The following ESR1 variants were observed in gnomAD, a reference collection of about 807,000 sequenced individuals.
ESR1 encodes estrogen receptor.
ESR1 carries 12 observed loss-of-function variants against 52.7 expected under a neutral mutation model. That is an observed-to-expected ratio of 0.23 (90% confidence interval 0.15 to 0.37). ESR1 has a LOEUF of 0.37. ESR1 is among the 10% of genes least tolerant of loss of function. The pLI is 1.00. For missense variants in ESR1, 584 were observed against 779.7 expected (o/e 0.75, Z 2.99); for synonymous variants, 305 against 316.8 (o/e 0.96, Z 0.39).
chr6:152,085,913 A>G (rs913824926), intron 6 of ESR1, among the ~76,000 whole-genome samples: 4 of 152,154 alleles, frequency 2.6e-5, no homozygotes, highest in African/African-American at 9.7e-5. Flanking sequence ...ATCCTTGGAA[A>G]ACACAATCTT....
intron 2 of ESR1, among the ~76,000 whole-genome samples, chr6:151,761,853 C>T (rs921355952): frequency 2.0e-5 from 3 of 152,262 alleles, no homozygotes; most frequent in South Asian, 2.1e-4. Flanking sequence ...CACTGAAGGC[C>T]GGGCCCCACC....
chr6:152,008,094 T>C (rs1178738630), intron 4 of ESR1, among the ~76,000 whole-genome samples: 1 of 152,116 alleles, frequency 6.6e-6, no homozygotes, highest in Non-Finnish European at 1.5e-5. Flanking sequence ...TCATGGATAT[T>C]TATTCCACGC....
At chr6:151,904,702 G>A (rs1339319044) in intron 3 of ESR1, among the ~76,000 whole-genome samples, 1 of 151,926 alleles carries the variant, frequency 6.6e-6, no homozygotes, top group Non-Finnish European at 1.5e-5. Flanking sequence ...AATAATAATC[G>A]ATTTTGGATT....
chr6:151,737,315 T>A (rs969186186), intron 2 of ESR1, among the ~76,000 whole-genome samples: 1 of 152,192 alleles, frequency 6.6e-6, no homozygotes, highest in Non-Finnish European at 1.5e-5. Context: ...GAGATGCACA[T>A]TTGAAGCCTC....
At chr6:152,054,520 T>C (rs144189641) in intron 5 of ESR1, among the ~76,000 whole-genome samples, 2 of 152,136 alleles carry the variant, frequency 1.3e-5, no homozygotes, top group South Asian at 2.1e-4. Flanking sequence ...CAATCTCCTT[T>C]GCGCACTGAT....
intron 5 of ESR1, among the ~76,000 whole-genome samples, chr6:152,020,594 G>A (rs956857832): frequency 4.6e-5 from 7 of 151,988 alleles, no homozygotes; most frequent in Non-Finnish European, 8.8e-5. Context: ...GGGATTACAC[G>A]CATGCGCCAT....
chr6:151,777,722 G>T (rs1397996131), intron 2 of ESR1, among the ~76,000 whole-genome samples: 1 of 152,122 alleles, frequency 6.6e-6, no homozygotes, highest in Non-Finnish European at 1.5e-5. Flanking sequence ...CACTTTGGGG[G>T]ACTGAGGCAG....
chr6:151,903,095 G>A (rs181874901), intron 3 of ESR1, among the ~76,000 whole-genome samples: 9 of 152,100 alleles, frequency 5.9e-5, no homozygotes, highest in Non-Finnish European at 1.2e-4. Flanking sequence ...GTTCATTGAC[G>A]ACAGAATGTA....
chr6:151,996,629 C>T (rs2041510650), intron 4 of ESR1, among the ~76,000 whole-genome samples: 1 of 152,068 alleles, frequency 6.6e-6, no homozygotes, highest in Non-Finnish European at 1.5e-5. Context: ...TGTTATATGC[C>T]TCTTGAGATA....
chr6:152,007,857 A>T (rs2042452344), intron 4 of ESR1, among the ~76,000 whole-genome samples: 1 of 152,052 alleles, frequency 6.6e-6, no homozygotes, highest in Non-Finnish European at 1.5e-5. Flanking sequence ...CCACGTTATT[A>T]TTGGTGACAC....
intron 2 of ESR1, among the ~76,000 whole-genome samples, chr6:151,702,163 T>C (rs1163373393): frequency 6.6e-6 from 1 of 152,188 alleles, no homozygotes; most frequent in Non-Finnish European, 1.5e-5. Flanking sequence ...ACCTACTATC[T>C]GATGGGCACT....
At chr6:151,917,117 G>T (rs796377656) in intron 3 of ESR1, among the ~76,000 whole-genome samples, 1 of 151,692 alleles carries the variant, frequency 6.6e-6, no homozygotes, top group Non-Finnish European at 1.5e-5. Flanking sequence ...GACAACAGGG[G>T]CTTGGTTTGT....
At chr6:151,813,355 G>A (rs1015138356) in intron 1 of ESR1, 7 of 152,140 alleles carry the variant, frequency 4.6e-5, no homozygotes, top group Non-Finnish European at 1.0e-4. Context: ...CCGCTTGTAA[G>A]TGATGTGGTG....
chr6:152,001,526 A>C (rs1284720291), intron 4 of ESR1, among the ~76,000 whole-genome samples: 2 of 152,034 alleles, frequency 1.3e-5, no homozygotes, highest in East Asian at 1.9e-4. Context: ...AAATTTCAGC[A>C]TGAGTTTTGG....
intron 1 of ESR1, among the ~76,000 whole-genome samples, chr6:151,821,593 T>A (rs1562442156): frequency 2.6e-5 from 4 of 152,214 alleles, no homozygotes; most frequent in Non-Finnish European, 5.9e-5. Context: ...TTACACTGTC[T>A]CCTTTCAGAT....
At chr6:151,943,207 C>G (rs1342924689) in intron 3 of ESR1, among the ~76,000 whole-genome samples, 1 of 151,852 alleles carries the variant, frequency 6.6e-6, no homozygotes, top group South Asian at 2.1e-4. Context: ...GGCGAAACCC[C>G]GTCTCTACTA....
chr6:151,919,756 T>C (rs896426908), intron 3 of ESR1, among the ~76,000 whole-genome samples: 2 of 152,190 alleles, frequency 1.3e-5, no homozygotes, highest in Non-Finnish European at 2.9e-5. Context: ...TTGATTATTA[T>C]AGAGGATCTG....
Position 151,884,092 on chromosome 6 carries a change from G to A in ESR1, c.760+3321G>A, listed in dbSNP as rs78587039. On this transcript the variant is annotated intron_variant, in intron 3 of 7. Transcript: ENST00000206249. ...TGTTCAGTATTTCTTTACATGTAAG[G>A]AAAACATGTATCTTTCTGGCAGTTT... is the stretch of plus-strand genomic sequence containing the variant. 3.4e-4 allele frequency among the ~76,000 whole-genome samples: 52 copies of A among 152,246 alleles called. No individual in the cohort carries two copies. The East Asian group carries it at 7.5e-3, about 22-fold the overall frequency.
At position 152,028,036 on chromosome 6, in the gene ESR1, C is replaced by G. The variant is rs865867868; in HGVS notation, c.1235+16242C>G. Among the ~76,000 whole-genome samples, 117 of 151,884 alleles carry G rather than the reference C, an allele frequency of 7.7e-4. 1 individual carries two copies. Among genetic ancestry groups the G allele is most frequent in the African/African-American group, 2.7e-3 (113 of 41,420 alleles). On this transcript the variant is annotated intron_variant, in intron 5 of 7. Coordinates refer to ENST00000206249, the MANE Select transcript of ESR1 (RefSeq NM_000125.4). ...GCAGGCACCTGTAGTCCCAGCTACT[C>G]GGGAGGCTGAGGCAGGAGAATGGCC...
Sources: gnomAD v4.1 joint callset for allele counts (sites outside exome capture counted in the v4.1 genomes callset) on GRCh38, gnomAD v4.1.1 for gene constraint, MANE v1.5 for transcripts, NCBI Gene and HGNC (gene_info 2026-07-23, HGNC 2026-07-21) for gene names.